The following PTPRD variants were observed in gnomAD, a reference collection of about 807,000 sequenced individuals.
The protein encoded by PTPRD is protein tyrosine phosphatase receptor type D, also known as receptor-type tyrosine-protein phosphatase delta.
In PTPRD, 34 loss-of-function variants were observed where a neutral mutation model predicts 214.5. The ratio of observed to expected loss-of-function variants is 0.16; its 90% CI spans 0.12 to 0.21. The LOEUF (loss-of-function observed/expected upper bound fraction) is 0.21. Ranked by LOEUF, PTPRD falls within the 10% of genes least tolerant of loss-of-function variation. The probability of loss-of-function intolerance (pLI) is 1.00; values close to 1 mark genes in which losing one functional copy is unlikely to be tolerated. For missense variants in PTPRD, 2,545 were observed against 2,398.7 expected (o/e 1.06, Z -1.27); for synonymous variants, 1,128 against 845.7 (o/e 1.33, Z -5.79).
chr9:8,844,904 T>C (rs1017850101), intron 11 of PTPRD, among the ~76,000 whole-genome samples: 4 of 152,170 alleles, frequency 2.6e-5, no homozygotes, highest in Non-Finnish European at 5.9e-5. Context: ...GTAGCTTTTT[T>C]CCACATGACA....
chr9:10,468,882 G>C (rs1423052427), intron 2 of PTPRD, among the ~76,000 whole-genome samples: 1 of 151,906 alleles, frequency 6.6e-6, no homozygotes, highest in Non-Finnish European at 1.5e-5. Context: ...AAAGAAGAAA[G>C]GTCATATATT....
chr9:9,183,699 A>G (rs1012624853), intron 9 of PTPRD, among the ~76,000 whole-genome samples: 3 of 152,012 alleles, frequency 2.0e-5, no homozygotes, highest in African/African-American at 4.8e-5. Context: ...TCCAGTAAAC[A>G]TCTTGGTTTG....
Position 9,184,753 on chromosome 9 carries a change from G to C in PTPRD, c.-202-1390C>G, listed in dbSNP as rs149036521. 5.3e-3 allele frequency among the ~76,000 whole-genome samples: 808 copies of C among 152,056 alleles called. 6 individuals carry two copies. Among genetic ancestry groups the C allele is most frequent in the African/African-American group, 0.018 (742 of 41,510 alleles). On this transcript the variant is annotated intron_variant, in intron 9 of 45. Transcript: ENST00000381196. ...GTCTTGTTTGAGGTTTTAGCTGAGCGCTTGACACAGAAAATAGCATATACT... is the reference window on the plus strand; with the variant it reads ...GTCTTGTTTGAGGTTTTAGCTGAGCCCTTGACACAGAAAATAGCATATACT...
intron 9 of PTPRD, among the ~76,000 whole-genome samples, chr9:9,246,389 C>T (rs1231900701): frequency 6.6e-6 from 1 of 152,078 alleles, no homozygotes; most frequent in Non-Finnish European, 1.5e-5. Context: ...ACCAGATTAG[C>T]TTATACATAC....
intron 14 of PTPRD, among the ~76,000 whole-genome samples, chr9:8,604,906 T>C (rs1184333581): frequency 6.6e-6 from 1 of 152,176 alleles, no homozygotes; most frequent in Non-Finnish European, 1.5e-5. Flanking sequence ...TACATTTAGG[T>C]GCAAATATCC....
chr9:9,919,760 T>C (rs1218159019), intron 5 of PTPRD, among the ~76,000 whole-genome samples: 1 of 152,138 alleles, frequency 6.6e-6, no homozygotes, highest in Non-Finnish European at 1.5e-5. Flanking sequence ...TATGACCTGG[T>C]GCTAACTATT....
chr9:9,452,124 A>T (rs2092314436), intron 8 of PTPRD, among the ~76,000 whole-genome samples: 1 of 151,522 alleles, frequency 6.6e-6, no homozygotes, highest in Non-Finnish European at 1.5e-5. Flanking sequence ...ATAATAAAAA[A>T]GCTGAATGCC....
chr9:9,073,265 T>C (rs1392715696), intron 10 of PTPRD, among the ~76,000 whole-genome samples: 2 of 152,220 alleles, frequency 1.3e-5, no homozygotes, highest in Non-Finnish European at 2.9e-5. Context: ...CTAGTGATTA[T>C]CAGAGTCATA....
intron 8 of PTPRD, among the ~76,000 whole-genome samples, chr9:9,485,922 G>A (rs897353160): frequency 6.6e-6 from 1 of 151,970 alleles, no homozygotes; most frequent in African/African-American, 2.4e-5. Context: ...GGAGGCCAAG[G>A]CAGGTGGATC....
chr9:8,420,521 G>T (rs947237669), intron 35 of PTPRD, among the ~76,000 whole-genome samples: 4 of 152,028 alleles, frequency 2.6e-5, no homozygotes, highest in African/African-American at 7.2e-5. Context: ...TATAATCCTT[G>T]GTCTGTGGCA....
chr9:9,076,469 G>A (rs1398771239), intron 10 of PTPRD, among the ~76,000 whole-genome samples: 2 of 151,790 alleles, frequency 1.3e-5, no homozygotes, highest in African/African-American at 4.8e-5. Flanking sequence ...CCCAGCCTCT[G>A]GTAAGTATCA....
chr9:9,602,274 G>A (rs887965780), intron 7 of PTPRD, among the ~76,000 whole-genome samples: 4 of 151,926 alleles, frequency 2.6e-5, no homozygotes, highest in African/African-American at 9.7e-5. Context: ...TTATACAAAT[G>A]ATTTAGGCAT....
At chr9:9,303,208 A>G (rs1300217785) in intron 9 of PTPRD, among the ~76,000 whole-genome samples, 1 of 151,998 alleles carries the variant, frequency 6.6e-6, no homozygotes, top group Non-Finnish European at 1.5e-5. Context: ...CCAGTTCCCC[A>G]TTATCCTATT....
At chr9:10,449,751 G>A (rs1160664625) in intron 2 of PTPRD, among the ~76,000 whole-genome samples, 2 of 151,822 alleles carry the variant, frequency 1.3e-5, no homozygotes, top group African/African-American at 2.4e-5. Context: ...GTACCCAACA[G>A]CTCATTGAGA....
chr9:9,613,187 G>T (rs2094632191), intron 7 of PTPRD, among the ~76,000 whole-genome samples: 1 of 111,728 alleles, frequency 9.0e-6, no homozygotes, highest in African/African-American at 3.5e-5. Context: ...TGCATCATAT[G>T]AAGCATGTGG....
intron 9 of PTPRD, among the ~76,000 whole-genome samples, chr9:9,248,145 T>A (rs2131409397): frequency 6.6e-6 from 1 of 152,176 alleles, no homozygotes; most frequent in East Asian, 1.9e-4. Context: ...CAGGTTGGCA[T>A]GCAGTGGTGT....
intron 39 of PTPRD, among the ~76,000 whole-genome samples, chr9:8,360,035 GTCA>G (rs1194502356): frequency 2.6e-5 from 4 of 152,172 alleles, no homozygotes; most frequent in Non-Finnish European, 5.9e-5. Flanking sequence ...TGTTTGTGGT[GTCA>G]TCATGTTTAT....
In PTPRD at chr9:9,478,064, A is replaced by G. The variant is rs116710104; in HGVS notation, c.-236-80582T>C. On this transcript the variant is annotated intron_variant, in intron 8 of 45. Coordinates refer to ENST00000381196, the MANE Select transcript of PTPRD (RefSeq NM_002839.4). ...GACCGTTCTGAAAAATTTGTGGTCT[A>G]TGAGGTTATTTGTTTTGATTGTCTC... is the stretch of plus-strand genomic sequence containing the variant. 3.6e-3 allele frequency among the ~76,000 whole-genome samples: 552 copies of G among 152,280 alleles called. 2 individuals are homozygous for G. Among genetic ancestry groups the G allele is most frequent in the African/African-American group, 0.012 (501 of 41,554 alleles).
intron 35 of PTPRD, among the ~76,000 whole-genome samples, chr9:8,428,562 T>C (rs2094841632): frequency 6.6e-6 from 1 of 152,174 alleles, no homozygotes; most frequent in South Asian, 2.1e-4. Context: ...TCTTCCACTT[T>C]GCATAAAAGA....
Sources: allele counts gnomAD v4.1 joint callset (sites outside exome capture counted in the v4.1 genomes callset), GRCh38; gene constraint gnomAD v4.1.1; transcripts MANE v1.5; gene names NCBI Gene and HGNC (gene_info 2026-07-23, HGNC 2026-07-21).